Variants in ZNF470 observed in about 807,000 individuals in gnomAD.
The protein encoded by ZNF470 is chondrogenesis zinc finger protein 1.
ZNF470 carries 13 observed loss-of-function variants against 13.9 expected under a neutral mutation model. The ratio of observed to expected loss-of-function variants is 0.94; its 90% CI spans 0.61 to 1.49. ZNF470 has a LOEUF of 1.49. Ranked by LOEUF, ZNF470 falls within the 40% of genes most tolerant of loss-of-function variation. The probability of loss-of-function intolerance (pLI) is 0.00; values close to 1 mark genes in which losing one functional copy is unlikely to be tolerated. For synonymous variants in ZNF470, 293 were observed against 282.9 expected (o/e 1.04, Z -0.36); for missense variants, 929 against 857.3 (o/e 1.08, Z -1.04).
chr19:56,574,488 T>A lies in ZNF470; in HGVS notation c.155T>A (p.Met52Lys). The A allele has an allele frequency of 1.2e-6, 2 of 1,613,976 alleles. No individual in the cohort carries two copies. Among genetic ancestry groups the A allele is most frequent in the Non-Finnish European group, 1.7e-6 (2 of 1,179,834 alleles). ...CAGAGAAGTTTGTACAAGAAGGTGA[T>A]GTTAGAAAACTACAGGAACCTAGTT... ...LAQRSLYKKV[M>K]LENYRNLVSV... Residue 52 changes from methionine to lysine, a missense_variant, in exon 4 of 6, where the codon ATG becomes AAG. By Grantham distance (95) the Met-to-Lys change is moderately conservative. Coordinates refer to ENST00000330619, the MANE Select transcript of ZNF470 (RefSeq NM_001001668.4).
In ZNF470 at chr19:56,580,382, CAA is replaced by C. The variant is rs2044526427; in HGVS notation, c.*1801_*1802del. 1 of 157,162 alleles carries C rather than the reference CAA, an allele frequency of 6.4e-6. No individual in the cohort carries two copies. Among genetic ancestry groups the C allele is most frequent in the Admixed American group, 6.6e-5 (1 of 15,264 alleles). The allele number at this position is 157,162 out of a possible 1,614,324, so 9.7% of individuals were successfully genotyped here. A position where few individuals can be genotyped will look rare whatever the true frequency, so the allele number is the denominator to read the frequency against. ...TTTTTGAGTGACAGCTTTATTGAGA[CAA>C]AGCAATTCTGGAGAACACCCATATC... On this transcript the variant is annotated 3_prime_UTR_variant, in exon 6 of 6. Transcript: ENST00000330619.
Position 56,574,453 on chromosome 19 carries a change from G to C in ZNF470, c.120G>C (p.Leu40=), listed in dbSNP as rs1164306418. ...TTTCCCAAGATGAATGGGAGTGGCTGAATCTTGCTCAGAGAAGTTTGTACA... is the reference window on the plus strand; with the variant it reads ...TTTCCCAAGATGAATGGGAGTGGCTCAATCTTGCTCAGAGAAGTTTGTACA... ...IDFSQDEWEW[L]NLAQRSLYKK... Residue 40 remains leucine, a synonymous_variant, in exon 4 of 6, where the codon CTG becomes CTC. Transcript: ENST00000330619. 6.2e-7 allele frequency: 1 copy of C among 1,613,916 alleles called. No homozygotes were observed. The highest frequency in any genetic ancestry group is 1.3e-5 in the African/African-American group (1 of 75,042).
chr19:56,574,388 T>A lies in ZNF470; in HGVS notation c.61-6T>A. The A allele has an allele frequency of 1.2e-6, 2 of 1,613,534 alleles. No individual in the cohort carries two copies. The highest frequency in any genetic ancestry group is 1.7e-6 in the Non-Finnish European group (2 of 1,179,544). ...AGTGAGCAAGATCATATTTGTGTCA[T>A]TTTAGGGTTCAGTGACTTTCACAGA... On this transcript the variant is annotated splice_region_variant and splice_polypyrimidine_tract_variant and intron_variant, in intron 3 of 5. Coordinates refer to ENST00000330619, the MANE Select transcript of ZNF470 (RefSeq NM_001001668.4).
rs761797179 is a variant in ZNF470 at position 56,577,831 on chromosome 19, C to G, written c.1402C>G (p.Leu468Val). Residue 468 changes from leucine (L) to valine (V), a missense_variant, in exon 6 of 6, where the codon CTT becomes GTT. By Grantham distance (32) the Leu-to-Val change is conservative. Transcript: ENST00000330619. ...CEKAFSHRGS[L>V]TLHQRVHTGE... ...GAAAGCCTTCAGCCATCGTGGGTCT[C>G]TTACTCTTCATCAGAGAGTTCATAC... is the stretch of plus-strand genomic sequence containing the variant. The G allele has an allele frequency of 6.2e-7, 1 of 1,613,858 alleles. No homozygotes were observed. Among genetic ancestry groups the G allele is most frequent in the Non-Finnish European group, 8.5e-7 (1 of 1,179,980 alleles).
chr19:56,575,985 G>A (rs1163515529), intron 5 of ZNF470, among the ~76,000 whole-genome samples: 1 of 152,014 alleles, frequency 6.6e-6, no homozygotes, highest in Non-Finnish European at 1.5e-5. Flanking sequence ...AGAAACAGTA[G>A]CGCTACTGAA....
intron 3 of ZNF470, chr19:56,574,003 A>T: frequency 9.2e-6 from 9 of 974,714 alleles, no homozygotes; most frequent in Non-Finnish European, 1.1e-5. Context: ...CCTTCCTTGC[A>T]AGTTTTTCTC....
At chr19:56,574,148 C>T in intron 3 of ZNF470, 3 of 638,650 alleles carry the variant, frequency 4.7e-6, no homozygotes, top group South Asian at 1.8e-5. Context: ...GTATTCTCGC[C>T]ACCTAGAATT....
Position 56,581,318 on chromosome 19 carries a change from A to G in ZNF470, c.*2735A>G. The G allele has an allele frequency of 1.2e-6, 1 of 816,606 alleles. No individual in the cohort carries two copies. The highest frequency in any genetic ancestry group is 5.6e-5 in the South Asian group (1 of 17,820). 50.6% of individuals were successfully genotyped at this position (816,606 alleles called of 1,614,324 possible). ...CTACTTTTTCCCCAAAAGACTGACT[A>G]ATCGAGTGATAACATTCAGTATTGG... On this transcript the variant is annotated 3_prime_UTR_variant, in exon 6 of 6. Coordinates refer to ENST00000330619, the MANE Select transcript of ZNF470 (RefSeq NM_001001668.4).
chr19:56,575,419 C>T (rs1190205498), intron 5 of ZNF470, among the ~76,000 whole-genome samples: 3 of 149,958 alleles, frequency 2.0e-5, no homozygotes, highest in Admixed American at 2.0e-4. Flanking sequence ...ATATTGTGCT[C>T]ACTGGGATTT....
chr19:56,568,444 T>C (rs1458530567), intron 1 of ZNF470, among the ~76,000 whole-genome samples: 1 of 152,208 alleles, frequency 6.6e-6, no homozygotes, highest in East Asian at 1.9e-4. Context: ...GATTCACAGC[T>C]TCACCCAGAA....
intron 3 of ZNF470, 76 bp from the exon 4 acceptor site, chr19:56,574,318 C>T: frequency 1.2e-6 from 2 of 1,604,076 alleles, no homozygotes; most frequent in Non-Finnish European, 8.5e-7. Context: ...AAAGTGAGAA[C>T]AGCATAACTC....
At position 56,574,470 on chromosome 19, in the gene ZNF470, G is replaced by A. The variant is rs2044475374; in HGVS notation, c.137G>A (p.Ser46Asn). The A allele has an allele frequency of 6.2e-7, 1 of 1,613,908 alleles. No individual in the cohort carries two copies. The highest frequency in any genetic ancestry group is 8.5e-7 in the Non-Finnish European group (1 of 1,179,792). ...GAGTGGCTGAATCTTGCTCAGAGAAGTTTGTACAAGAAGGTGATGTTAGAA... is the reference window on the plus strand; with the variant it reads ...GAGTGGCTGAATCTTGCTCAGAGAAATTTGTACAAGAAGGTGATGTTAGAA... ...EWEWLNLAQR[S>N]LYKKVMLENY... Residue 46 changes from serine to asparagine, a missense_variant, in exon 4 of 6, where the codon AGT becomes AAT. By Grantham distance (46) the Ser-to-Asn change is conservative (BLOSUM62 1). Coordinates refer to ENST00000330619, the MANE Select transcript of ZNF470 (RefSeq NM_001001668.4).
rs770179906 is a variant in ZNF470 at position 56,577,699 on chromosome 19, C to T, written c.1270C>T (p.Pro424Ser). 6.2e-7 allele frequency: 1 copy of T among 1,611,046 alleles called. No homozygotes were observed. The highest frequency in any genetic ancestry group is 8.5e-7 in the Non-Finnish European group (1 of 1,177,732). ...TAAGAGAACTCATACTGGAGAGAGACCTTACAAATGTAATGTGTGTGGGAA... is the reference window on the plus strand; with the variant it reads ...TAAGAGAACTCATACTGGAGAGAGATCTTACAAATGTAATGTGTGTGGGAA... Reference protein sequence around the residue: ...QHKRTHTGERPYKCNVCGKAF... With the variant: ...QHKRTHTGERSYKCNVCGKAF... Residue 424 changes from proline to serine, a missense_variant, in exon 6 of 6, where the codon CCT becomes TCT. By Grantham distance (74) the Pro-to-Ser change is moderately conservative. Coordinates refer to ENST00000330619, the MANE Select transcript of ZNF470 (RefSeq NM_001001668.4).
intron 4 of ZNF470, 41 bp downstream of exon 4, chr19:56,574,561 A>T (rs1314373408): frequency 6.2e-7 from 1 of 1,612,136 alleles, no homozygotes; most frequent in Non-Finnish European, 8.5e-7. Flanking sequence ...ATGACTCAGT[A>T]GTCTTTTATG....
Position 56,580,703 on chromosome 19 carries a change from A to G in ZNF470, c.*2120A>G, listed in dbSNP as rs1400961887. The G allele has an allele frequency of 3.8e-6, 1 of 264,278 alleles. No homozygotes were observed. The highest frequency in any genetic ancestry group is 5.8e-6 in the Non-Finnish European group (1 of 171,116). The allele number at this position is 264,278 out of a possible 1,614,324, so 16.4% of individuals were successfully genotyped here. On this transcript the variant is annotated 3_prime_UTR_variant, in exon 6 of 6. Coordinates refer to ENST00000330619, the MANE Select transcript of ZNF470 (RefSeq NM_001001668.4). ...TGTGAGGGAAGCCGTTATCCAGAGT[A>G]CATGACTGCTAGAAAATGGAGTTTG...
chr19:56,578,017 A>C lies in ZNF470; in HGVS notation c.1588A>C (p.Ile530Leu). The change falls in exon 6 of 6, where the codon ATA (isoleucine) becomes CTA (leucine). Residue 530 changes from isoleucine (I) to leucine (L), a missense_variant. Transcript: ENST00000330619. ...QNAHLAQHQKIHTGEKPYECK... is the reference protein window; with the variant it reads ...QNAHLAQHQKLHTGEKPYECK... Reference sequence around the variant, plus strand: ...TGCACACCTCGCGCAACATCAGAAAATACACACTGGGGAGAAACCTTATGA... The same window carrying C: ...TGCACACCTCGCGCAACATCAGAAACTACACACTGGGGAGAAACCTTATGA... The C allele has an allele frequency of 1.2e-6, 2 of 1,613,422 alleles. No homozygotes were observed. Among genetic ancestry groups the C allele is most frequent in the Non-Finnish European group, 8.5e-7 (1 of 1,179,496 alleles).
chr19:56,577,011 C>T lies in ZNF470; in HGVS notation c.582C>T (p.Pro194=). Residue 194 remains proline (P), a synonymous_variant, in exon 6 of 6, where the codon CCC becomes CCT. Coordinates refer to ENST00000330619, the MANE Select transcript of ZNF470 (RefSeq NM_001001668.4). ...TATCTTATATAAAACAGATTTTTCC[C>T]ATGGAAGAGAGAATATTTAATTTTC... The part of the protein sequence containing the change: ...NTLSYIKQIF[P]MEERIFNFHT... 1.3e-6 allele frequency: 2 copies of T among 1,582,498 alleles called. No individual in the cohort carries two copies. Among genetic ancestry groups the T allele is most frequent in the Admixed American group, 2.0e-5 (1 of 51,160 alleles).
At position 56,574,443 on chromosome 19, in the gene ZNF470, G is replaced by T; in HGVS notation, c.110G>T (p.Trp37Leu). The T allele has an allele frequency of 6.2e-7, 1 of 1,613,872 alleles. No individual in the cohort carries two copies. Among genetic ancestry groups the T allele is most frequent in the Non-Finnish European group, 8.5e-7 (1 of 1,179,788 alleles). Residue 37 changes from tryptophan to leucine, a missense_variant, in exon 4 of 6, where the codon TGG (tryptophan) becomes TTG (leucine). Physicochemically the swap from Trp to Leu is moderately conservative, Grantham distance 61. Transcript: ENST00000330619. The stretch of plus-strand genomic sequence containing the variant: ...GCCATAGACTTTTCCCAAGATGAAT[G>T]GGAGTGGCTGAATCTTGCTCAGAGA... ...DVAIDFSQDE[W>L]EWLNLAQRSL...
At position 56,579,372 on chromosome 19, in the gene ZNF470, T is replaced by C. The variant is rs2044518292; in HGVS notation, c.*789T>C. 1.1e-6 allele frequency: 1 copy of C among 892,422 alleles called. No homozygotes were observed. The highest frequency in any genetic ancestry group is 1.3e-6 in the Non-Finnish European group (1 of 745,202). The allele number at this position is 892,422 out of a possible 1,614,324, so 55.3% of individuals were successfully genotyped here. ...AGGAGGTAGAGGTTGCAGTGAGTCA[T>C]GATCACACCACTGCAATTCCAGCTG... On this transcript the variant is annotated 3_prime_UTR_variant, in exon 6 of 6. Transcript: ENST00000330619.
Sources: gnomAD v4.1 joint callset for allele counts (sites outside exome capture counted in the v4.1 genomes callset) on GRCh38, gnomAD v4.1.1 for gene constraint, MANE v1.5 for transcripts, NCBI Gene and HGNC (gene_info 2026-07-23, HGNC 2026-07-21) for gene names.